GLIS3: variants seen among roughly 807,000 people sequenced by gnomAD.
The protein encoded by GLIS3 is zinc finger protein GLIS3.
GLIS3 carries 53 observed loss-of-function variants against 78.6 expected under a neutral mutation model. That is an observed-to-expected ratio of 0.67 (90% CI 0.54 to 0.85). The LOEUF is 0.85. Ranked by LOEUF, GLIS3 falls within the 40% of genes least tolerant of loss-of-function variation. The probability of loss-of-function intolerance (pLI) is 0.00; values close to 1 mark genes in which losing one functional copy is unlikely to be tolerated. For synonymous variants in GLIS3, 684 were observed against 509.9 expected (o/e 1.34, Z -4.60); for missense variants, 1,703 against 1,231.1 (o/e 1.38, Z -5.74).
intron 4 of GLIS3, among the ~76,000 whole-genome samples, chr9:4,028,929 G>A (rs1823578586): frequency 6.6e-6 from 1 of 152,084 alleles, no homozygotes; most frequent in African/African-American, 2.4e-5. Flanking sequence ...TGTTGAACAA[G>A]CAGAGAAATC....
rs569722065 is a variant in GLIS3, at chr9:3,991,751, T to G, written c.1711-54562A>C. 2.2e-5 allele frequency among the ~76,000 whole-genome samples: 3 copies of G among 136,176 alleles called. No individual in the cohort carries two copies. In the South Asian group the frequency reaches 7.2e-4, roughly 33 times the overall value. 89.3% of individuals were successfully genotyped at this position (136,176 alleles called of 152,430 possible). On this transcript the variant is annotated intron_variant, in intron 4 of 10. Coordinates refer to ENST00000381971, the MANE Select transcript of GLIS3 (RefSeq NM_001042413.2). ...TGTCGCCCAGGCTGGAGTGCAGTGG[T>G]GGGATCTCGGCTCACTGCAAGCTCC...
the GLIS3 span, among the ~76,000 whole-genome samples, chr9:4,376,802 G>C: frequency 7.4e-6 from 1 of 135,706 alleles, no homozygotes; most frequent in East Asian, 2.2e-4. Context: ...GCTACACTGA[G>C]ATACTCCTGT....
intron 2 of GLIS3, among the ~76,000 whole-genome samples, chr9:4,327,063 A>T (rs748955576): frequency 2.6e-5 from 4 of 152,198 alleles, no homozygotes; most frequent in Admixed American, 6.5e-5. Context: ...TCATAAATGG[A>T]GGTTACAATG....
intron 8 of GLIS3, among the ~76,000 whole-genome samples, chr9:3,864,820 G>C (rs930815627): frequency 1.3e-5 from 2 of 152,046 alleles, no homozygotes; most frequent in Admixed American, 1.3e-4. Context: ...AGATGGAAAG[G>C]GCAAAAACCC....
chr9:4,105,137 C>G (rs2130817106), intron 4 of GLIS3, among the ~76,000 whole-genome samples: 1 of 152,270 alleles, frequency 6.6e-6, no homozygotes, highest in South Asian at 2.1e-4. Context: ...TTCCTTTCCT[C>G]TTTTAAATTT....
At chr9:4,462,639 G>GCACA in the GLIS3 span, among the ~76,000 whole-genome samples, 29 of 142,630 alleles carry the variant, frequency 2.0e-4, no homozygotes, top group East Asian at 2.2e-3. Context: ...ACACAGACAC[G>GCACA]CACACACACA....
In GLIS3 at chr9:4,250,267, T is replaced by G. The variant is rs140041277; in HGVS notation, c.388+35771A>C. The stretch of plus-strand genomic sequence containing the variant: ...CTGGTCCTGGGCTTTTTTTGGTTGG[T>G]AGGCTATTATTGCCTCAATTTCAGA... On this transcript the variant is annotated intron_variant, in intron 2 of 10. Transcript: ENST00000381971. Among the ~76,000 whole-genome samples, 962 of 152,208 alleles carry G rather than the reference T, an allele frequency of 6.3e-3. 9 individuals carry two copies. Among genetic ancestry groups the G allele is most frequent in the African/African-American group, 0.022 (913 of 41,538 alleles).
At chr9:4,469,862 G>C in the GLIS3 span, among the ~76,000 whole-genome samples, 1 of 151,826 alleles carries the variant, frequency 6.6e-6, no homozygotes, top group African/African-American at 2.4e-5. Flanking sequence ...TTTTTGAGAA[G>C]ATCAACAAAA....
chr9:4,179,533 T>C (rs1817108995), intron 2 of GLIS3, among the ~76,000 whole-genome samples: 1 of 152,148 alleles, frequency 6.6e-6, no homozygotes. Flanking sequence ...AAACACTATT[T>C]ATTAAGCCTC....
chr9:3,967,176 C>G (rs900064566), intron 4 of GLIS3, among the ~76,000 whole-genome samples: 2 of 152,088 alleles, frequency 1.3e-5, no homozygotes, highest in Admixed American at 1.3e-4. Context: ...TACTGTGTAC[C>G]TGAAAATCAT....
intron 4 of GLIS3, among the ~76,000 whole-genome samples, chr9:4,113,311 T>G (rs552008311): frequency 2.6e-5 from 4 of 152,284 alleles, no homozygotes; most frequent in Non-Finnish European, 4.4e-5. Flanking sequence ...CCTTTTCTCA[T>G]GTCTCCTTGC....
chr9:4,077,903 A>C (rs1189308280), intron 4 of GLIS3, among the ~76,000 whole-genome samples: 1 of 152,188 alleles, frequency 6.6e-6, no homozygotes, highest in Non-Finnish European at 1.5e-5. Context: ...AGTTTTAATA[A>C]TTCCAATCTC....
At chr9:4,145,437 A>G (rs940570938) in intron 2 of GLIS3, among the ~76,000 whole-genome samples, 14 of 142,358 alleles carry the variant, frequency 9.8e-5, no homozygotes, top group African/African-American at 3.5e-4. Context: ...CCTTTTGCAC[A>G]CAACTGCTGT....
At chr9:4,130,427 G>T (rs776475240) in intron 2 of GLIS3, among the ~76,000 whole-genome samples, 53 of 152,330 alleles carry the variant, frequency 3.5e-4, no homozygotes, top group Middle Eastern at 6.8e-3. Flanking sequence ...TAAGAGGGAA[G>T]AATGATTTTA....
intron 4 of GLIS3, among the ~76,000 whole-genome samples, chr9:4,067,898 C>T (rs894744077): frequency 2.0e-5 from 3 of 151,942 alleles, no homozygotes; most frequent in South Asian, 2.1e-4. Flanking sequence ...CAATAACCAC[C>T]GAGCTGTCAA....
At chr9:3,994,571 G>C (rs1360562834) in intron 4 of GLIS3, among the ~76,000 whole-genome samples, 6 of 152,048 alleles carry the variant, frequency 3.9e-5, no homozygotes, top group Non-Finnish European at 8.8e-5. Context: ...TTGAGTTTTT[G>C]CATAACTTGC....
intron 2 of GLIS3, among the ~76,000 whole-genome samples, chr9:4,182,748 C>G (rs1010925984): frequency 1.3e-5 from 2 of 152,174 alleles, no homozygotes; most frequent in African/African-American, 4.8e-5. Context: ...TTAGCTACCA[C>G]TAATGTCTTG....
intron 2 of GLIS3, among the ~76,000 whole-genome samples, chr9:4,222,229 T>C (rs1415601686): frequency 2.0e-5 from 3 of 152,218 alleles, no homozygotes; most frequent in African/African-American, 7.2e-5. Context: ...GCTTCTTCAC[T>C]AAACACGGTA....
chr9:4,249,006 G>A (rs865961293), intron 2 of GLIS3, among the ~76,000 whole-genome samples: 9 of 152,294 alleles, frequency 5.9e-5, no homozygotes, highest in Middle Eastern at 6.8e-3. Context: ...TTTGGTACAA[G>A]TACCATGCTG....
Sources: gnomAD v4.1 joint callset for allele counts (sites outside exome capture counted in the v4.1 genomes callset) on GRCh38, gnomAD v4.1.1 for gene constraint, MANE v1.5 for transcripts, NCBI Gene and HGNC (gene_info 2026-07-23, HGNC 2026-07-21) for gene names.